TTLL5: variants seen among roughly 807,000 people sequenced by gnomAD.
TTLL5 encodes the protein tubulin tyrosine ligase like 5.
Under a neutral mutation model 168.4 loss-of-function variants are expected in TTLL5, and 132 were observed. The ratio of observed to expected loss-of-function variants is 0.78; its 90% CI spans 0.68 to 0.91. The LOEUF (loss-of-function observed/expected upper bound fraction) is 0.91. TTLL5 is among the 40% of genes least tolerant of loss of function. The pLI is 0.00. For synonymous variants in TTLL5, 546 were observed against 558.6 expected, an observed-to-expected ratio of 0.98 and a Z score of 0.32; for missense variants, 1,545 against 1,581.5, an observed-to-expected ratio of 0.98 and a Z score of 0.39.
intron 31 of TTLL5, among the ~76,000 whole-genome samples, chr14:75,928,370 AC>A (rs2034155965): frequency 1.6e-4 from 5 of 31,016 alleles, no homozygotes; most frequent in South Asian, 9.3e-4. Flanking sequence ...TATATATATC[AC>A]TGTATTTCTG....
intron 15 of TTLL5, 22 bp downstream of exon 15, chr14:75,735,311 G>A (rs759415970): frequency 1.1e-5 from 17 of 1,610,702 alleles, no homozygotes; most frequent in East Asian, 8.9e-5. Context: ...CCACAGCAGG[G>A]AGCCTGAAGG....
intron 31 of TTLL5, among the ~76,000 whole-genome samples, chr14:75,928,781 A>G (rs2034171721): frequency 7.2e-5 from 11 of 152,122 alleles, no homozygotes; most frequent in Admixed American, 6.5e-4. Flanking sequence ...AGGAAATGGA[A>G]TCTGCCCTGG....
intron 28 of TTLL5, among the ~76,000 whole-genome samples, chr14:75,841,873 A>G (rs1896277499): frequency 1.3e-5 from 2 of 151,862 alleles, no homozygotes; most frequent in South Asian, 4.1e-4. Context: ...TGGTTTGTAT[A>G]TTTTTTCATG....
Position 75,954,697 on chromosome 14 carries a change from A to G in TTLL5, c.*251A>G, listed in dbSNP as rs925339542. ...AGTGGGGACATTCAGCTGATGCATT[A>G]TATACCCCGTCAGAGCACACTTGTA... On this transcript the variant is annotated 3_prime_UTR_variant, in exon 32 of 32. Transcript: ENST00000298832. 9 of 568,440 alleles carry G rather than the reference A, an allele frequency of 1.6e-5. No individual in the cohort carries two copies. Among genetic ancestry groups the G allele is most frequent in the East Asian group, 2.8e-5 (1 of 35,240 alleles). 35.2% of individuals were successfully genotyped at this position (568,440 alleles called of 1,614,324 possible). A position where few individuals can be genotyped will look rare whatever the true frequency, so the allele number is the denominator to read the frequency against.
intron 26 of TTLL5, among the ~76,000 whole-genome samples, chr14:75,790,992 G>A (rs548000052): frequency 3.0e-4 from 44 of 148,876 alleles, no homozygotes; most frequent in South Asian, 4.3e-4. Context: ...TGTAGTCCCA[G>A]CTACTCGGGA....
intron 30 of TTLL5, among the ~76,000 whole-genome samples, chr14:75,889,040 T>C (rs187722143): frequency 6.6e-6 from 1 of 152,250 alleles, no homozygotes; most frequent in East Asian, 1.9e-4. Flanking sequence ...TAATGTGTAT[T>C]CTTAACAAAA....
chr14:75,733,068 G>C (rs117341850), intron 13 of TTLL5, among the ~76,000 whole-genome samples: 1 of 152,230 alleles, frequency 6.6e-6, no homozygotes, highest in Non-Finnish European at 1.5e-5. Flanking sequence ...CAGCTGCTGA[G>C]TTTTTAAGGA....
chr14:75,811,883 T>C (rs1894062380), intron 27 of TTLL5, among the ~76,000 whole-genome samples: 1 of 152,180 alleles, frequency 6.6e-6, no homozygotes, highest in African/African-American at 2.4e-5. Flanking sequence ...AGTACGACTT[T>C]TAACAAACAG....
intron 5 of TTLL5, among the ~76,000 whole-genome samples, chr14:75,686,699 A>T (rs948989708): frequency 2.7e-4 from 41 of 152,186 alleles, no homozygotes; most frequent in Non-Finnish European, 4.9e-4. Flanking sequence ...TTCTACTTAG[A>T]ATTAACTCAG....
intron 9 of TTLL5, among the ~76,000 whole-genome samples, chr14:75,714,987 C>G (rs942384181): frequency 2.6e-5 from 4 of 152,126 alleles, no homozygotes; most frequent in African/African-American, 9.7e-5. Flanking sequence ...TACTAGTACG[C>G]ACAATTCTAG....
At chr14:75,942,991 C>T (rs11623968) in intron 31 of TTLL5, among the ~76,000 whole-genome samples, 2,329 of 152,020 alleles carry the variant, frequency 0.015, 28 homozygotes, top group Non-Finnish European at 0.025. Flanking sequence ...TATCTGTAGA[C>T]ATTTGGCCAA....
At chr14:75,811,173 GTGTGTGTGTGTGTGTA>G (rs1483662090) in intron 27 of TTLL5, among the ~76,000 whole-genome samples, 12 of 147,530 alleles carry the variant, frequency 8.1e-5, no homozygotes, top group Non-Finnish European at 7.6e-5. Context: ...GTGTGTGTGT[GTGTGTGTGTGTGTGTA>G]TGTGTGTGTG....
At chr14:75,931,471 C>T (rs1206150902) in intron 31 of TTLL5, among the ~76,000 whole-genome samples, 1 of 152,230 alleles carries the variant, frequency 6.6e-6, no homozygotes. Flanking sequence ...TTCATATCCA[C>T]TGCCTTAATT....
At chr14:75,719,653 CAAG>C (rs1887718657) in intron 10 of TTLL5, 79 bp from the exon 11 acceptor site, 10 of 1,246,008 alleles carry the variant, frequency 8.0e-6, no homozygotes, top group Non-Finnish European at 1.1e-5. Flanking sequence ...TTTAAAAAGA[CAAG>C]AAGGCTATTT....
intron 27 of TTLL5, among the ~76,000 whole-genome samples, chr14:75,814,323 G>A (rs1049730508): frequency 4.6e-5 from 7 of 152,130 alleles, no homozygotes; most frequent in East Asian, 1.9e-4. Flanking sequence ...GTTGATCATC[G>A]TTGTATATCA....
intron 28 of TTLL5, among the ~76,000 whole-genome samples, chr14:75,841,560 A>G (rs1896247642): frequency 6.6e-6 from 1 of 152,124 alleles, no homozygotes. Context: ...AATTTTCCAT[A>G]TGATCTACTT....
chr14:75,732,541 A>G, intron 13 of TTLL5, 122 bp downstream of exon 13: 1 of 770,200 alleles, frequency 1.3e-6, no homozygotes, highest in Admixed American at 2.8e-5. Context: ...TTAGGTGGAG[A>G]TAACCAGACT....
intron 1 of TTLL5, chr14:75,661,592 G>A (rs546144545): frequency 1.3e-5 from 2 of 152,462 alleles, no homozygotes; most frequent in South Asian, 2.1e-4. Context: ...GTGAGCTGGG[G>A]GTGGGGCTGA....
chr14:75,845,855 A>T (rs1035107175), intron 28 of TTLL5, among the ~76,000 whole-genome samples: 20 of 152,192 alleles, frequency 1.3e-4, no homozygotes, highest in African/African-American at 4.8e-4. Flanking sequence ...TCTTTACACA[A>T]TGGCGTCCCA....
Sources: allele counts gnomAD v4.1 joint callset (sites outside exome capture counted in the v4.1 genomes callset), GRCh38; gene constraint gnomAD v4.1.1; transcripts MANE v1.5; gene names NCBI Gene and HGNC (gene_info 2026-07-23, HGNC 2026-07-21).